MMP24: variants seen among roughly 807,000 people sequenced by gnomAD.
The protein encoded by MMP24 is matrix metalloproteinase-24.
MMP24 carries 25 observed loss-of-function variants against 62.8 expected under a neutral mutation model. That is an observed-to-expected ratio of 0.40 (90% CI 0.29 to 0.56). The LOEUF (loss-of-function observed/expected upper bound fraction) is 0.56. MMP24 is among the 20% of genes least tolerant of loss of function. MMP24 has a pLI of 0.50. For synonymous variants in MMP24, 319 were observed against 350.5 expected, an observed-to-expected ratio of 0.91 and a Z score of 1.00; for missense variants, 634 against 853.6, an observed-to-expected ratio of 0.74 and a Z score of 3.21.
At chr20:35,247,441 TC>T (rs143334888) in intron 2 of MMP24, among the ~76,000 whole-genome samples, 2,331 of 152,220 alleles carry the variant, frequency 0.015, 74 homozygotes, top group African/African-American at 0.053. Flanking sequence ...CATCCGGCCC[TC>T]CAGAGGCTCA....
rs2275274 is a variant in MMP24 at position 35,269,741 on chromosome 20, C to T, written c.1195-19C>T. 0.096 allele frequency: 150,295 copies of T among 1,562,132 alleles called. 7,980 individuals carry two copies. The highest frequency in any genetic ancestry group is 0.18 in the South Asian group (15,274 of 84,500). ...CAGGGCCTGACACACCTCTCTCCCCCTCTCCCGCTTCCTCCCAGGATCGCT... is the reference window on the plus strand; with the variant it reads ...CAGGGCCTGACACACCTCTCTCCCCTTCTCCCGCTTCCTCCCAGGATCGCT... On this transcript the variant is annotated intron_variant, in intron 6 of 8. Coordinates refer to ENST00000246186, the MANE Select transcript of MMP24 (RefSeq NM_006690.4). This position sits in a 1 kb window ranked among gnomAD's most constrained non-coding sequence, Gnocchi z 4.6.
chr20:35,256,563 A>G (rs1040070169), intron 4 of MMP24, among the ~76,000 whole-genome samples: 6 of 152,010 alleles, frequency 3.9e-5, no homozygotes, highest in Admixed American at 3.9e-4. Context: ...TACGAAAAAC[A>G]CAAAAATTAG....
At chr20:35,257,880 G>A (rs1057387251) in intron 4 of MMP24, among the ~76,000 whole-genome samples, 3 of 152,162 alleles carry the variant, frequency 2.0e-5, no homozygotes, top group African/African-American at 7.2e-5. Flanking sequence ...CACAGCAATC[G>A]ACTCCTGAAC....
At chr20:35,260,719 C>T (rs1417470767) in intron 4 of MMP24, among the ~76,000 whole-genome samples, 2 of 152,268 alleles carry the variant, frequency 1.3e-5, no homozygotes, top group Non-Finnish European at 2.9e-5. Context: ...TTTGGCCAAC[C>T]TTGCACTGAT....
rs778379717 is a variant in MMP24, at chr20:35,271,563, C to T, written c.1334-6C>T. 5 of 1,609,960 alleles carry T rather than the reference C, an allele frequency of 3.1e-6. No individual in the cohort carries two copies. In the East Asian group the frequency reaches 8.9e-5, roughly 29 times the overall value. ...GAAGCTGATCCTGGGCTCCTCTTGG[C>T]CACAGGTGACAAGTATTGGGTGTTT... On this transcript the variant is annotated splice_region_variant and splice_polypyrimidine_tract_variant and intron_variant, in intron 7 of 8. Transcript: ENST00000246186. The surrounding 1 kb of genome is among the most constrained non-coding windows in gnomAD (Gnocchi z 4.0).
intron 2 of MMP24, among the ~76,000 whole-genome samples, chr20:35,250,851 T>G (rs1213397560): frequency 6.6e-6 from 1 of 152,162 alleles, no homozygotes; most frequent in African/African-American, 2.4e-5. Flanking sequence ...TCTGCCTGCA[T>G]GGCCCAATCA....
chr20:35,264,735 A>AAG (rs1555795463), intron 5 of MMP24, among the ~76,000 whole-genome samples: 9 of 149,460 alleles, frequency 6.0e-5, no homozygotes, highest in Non-Finnish European at 1.0e-4. Flanking sequence ...AAAAAAAAAA[A>AAG]AAAGAAAGAA....
chr20:35,233,624 C>T (rs189245435), intron 1 of MMP24, among the ~76,000 whole-genome samples: 28 of 152,314 alleles, frequency 1.8e-4, no homozygotes, highest in Middle Eastern at 3.4e-3. Flanking sequence ...TAAAATGACT[C>T]TTAGGACAAA....
rs149019156 is a variant in MMP24, at chr20:35,249,339, G to A, written c.395+2351G>A. On this transcript the variant is annotated intron_variant, in intron 2 of 8. Transcript: ENST00000246186. ...ATTTAAAGTCCTATGTTTGAGTGTC[G>A]CCTTGGGAAATGTCACACATTTATT... is the stretch of plus-strand genomic sequence containing the variant. Among the ~76,000 whole-genome samples the A allele has an allele frequency of 3.3e-5, 5 of 152,266 alleles. No individual in the cohort carries two copies. The East Asian group carries it at 7.7e-4, about 23-fold the overall frequency.
chr20:35,273,859 G>C (rs150950150), intron 8 of MMP24, among the ~76,000 whole-genome samples: 1 of 152,224 alleles, frequency 6.6e-6, no homozygotes, highest in African/African-American at 2.4e-5. Context: ...GTCAACACAA[G>C]GTGAAATCTT....
At chr20:35,272,075 T>C in intron 8 of MMP24, 1 of 581,044 alleles carries the variant, frequency 1.7e-6, no homozygotes, top group East Asian at 2.8e-5. Flanking sequence ...TAGACTGACT[T>C]CATTCCTTCA....
In MMP24 at chr20:35,271,616, C is replaced by G; in HGVS notation, c.1381C>G (p.Pro461Ala). Residue 461 changes from proline to alanine, a missense_variant, in exon 8 of 9, where the codon CCC (proline) becomes GCC (alanine). Pro to Ala is a conservative substitution (Grantham distance 27). Around this residue, in one of 3 missense-constraint regions of MMP24, gnomAD observed 399 missense variants for 530.8 expected, o/e 0.75. Transcript: ENST00000246186. This position sits in a 1 kb window ranked among gnomAD's most constrained non-coding sequence, Gnocchi z 4.0. ...GGAGGTGACGGTGGAGCCTGGGTAC[C>G]CCCACAGCCTGGGGGAGCTGGGCAG... ...FKEVTVEPGY[P>A]HSLGELGSCL... is the part of the protein sequence containing the mutation. 1 of 1,612,522 alleles carries G rather than the reference C, an allele frequency of 6.2e-7. No homozygotes were observed. Among genetic ancestry groups the G allele is most frequent in the Non-Finnish European group, 8.5e-7 (1 of 1,179,370 alleles).
In MMP24 at chr20:35,274,484, G is replaced by A. The variant is rs368386809; in HGVS notation, c.1813G>A (p.Val605Met). 58 of 1,613,912 alleles carry A rather than the reference G, an allele frequency of 3.6e-5. No individual in the cohort carries two copies. The highest frequency in any genetic ancestry group is 1.8e-4 in the South Asian group (16 of 91,086). Residue 605 changes from valine (V) to methionine (M), a missense_variant, in exon 9 of 9, where the codon GTG becomes ATG. By Grantham distance (21) the Val-to-Met change is conservative (BLOSUM62 1). Coordinates refer to ENST00000246186, the MANE Select transcript of MMP24 (RefSeq NM_006690.4). The surrounding 1 kb of genome is among the most constrained non-coding windows in gnomAD (Gnocchi z 5.1). The stretch of plus-strand genomic sequence containing the variant: ...GCCGGGCTCCGTGAACGCCGTGGCC[G>A]TGGTCATCCCCTGCATCCTGTCCCT... ...DVPGSVNAVA[V>M]VIPCILSLCI...
chr20:35,263,694 C>A, intron 4 of MMP24, 97 bp from the exon 5 acceptor site: 1 of 1,105,530 alleles, frequency 9.0e-7, no homozygotes, highest in Non-Finnish European at 1.2e-6. Context: ...GGGCCTGGCA[C>A]AGGGCCCGTG....
In MMP24 at chr20:35,252,024, G is replaced by T. The variant is rs1202708822; in HGVS notation, c.512+3G>T. ...AGGCAAAAACACATCACCTACAGGTGCTTCGACTCTCCCTCTTCCTCCCTG... is the reference window on the plus strand; with the variant it reads ...AGGCAAAAACACATCACCTACAGGTTCTTCGACTCTCCCTCTTCCTCCCTG... On this transcript the variant is annotated splice_donor_region_variant and intron_variant, in intron 3 of 8. Coordinates refer to ENST00000246186, the MANE Select transcript of MMP24 (RefSeq NM_006690.4). The T allele has an allele frequency of 3.7e-6, 6 of 1,605,634 alleles. No homozygotes were observed. The African/African-American group carries it at 6.7e-5, about 18-fold the overall frequency.
intron 5 of MMP24, chr20:35,264,161 G>A (rs2060619351): frequency 2.1e-6 from 1 of 471,046 alleles, no homozygotes; most frequent in Admixed American, 4.3e-5. Context: ...CTAGGGGAGG[G>A]TCTGAGCTGT....
chr20:35,239,322 C>G (rs141969935), intron 1 of MMP24, among the ~76,000 whole-genome samples: 367 of 151,152 alleles, frequency 2.4e-3, no homozygotes, highest in African/African-American at 8.6e-3. Flanking sequence ...CAGGCATGAG[C>G]CACCACGCCT....
Position 35,274,306 on chromosome 20 carries a change from G to C in MMP24, c.1635G>C (p.Trp545Cys). Residue 545 changes from tryptophan (W) to cysteine (C), a missense_variant, in exon 9 of 9, where the codon TGG (tryptophan) becomes TGC (cysteine). Trp to Cys is a radical substitution (Grantham distance 215). Transcript: ENST00000246186. This position sits in a 1 kb window ranked among gnomAD's most constrained non-coding sequence, Gnocchi z 5.1. ...YTYFYKGRDY[W>C]KFDNQKLSVE... Reference sequence around the variant, plus strand: ...ATTTCTACAAGGGCCGGGACTACTGGAAGTTTGACAACCAGAAACTGAGCG... The same window carrying C: ...ATTTCTACAAGGGCCGGGACTACTGCAAGTTTGACAACCAGAAACTGAGCG... 1.2e-6 allele frequency: 2 copies of C among 1,613,110 alleles called. No homozygotes were observed. Among genetic ancestry groups the C allele is most frequent in the Non-Finnish European group, 1.7e-6 (2 of 1,179,802 alleles).
intron 4 of MMP24, chr20:35,263,229 G>C (rs73105297): frequency 0.06 from 8,496 of 140,932 alleles, 307 homozygotes; most frequent in Middle Eastern, 0.11. Flanking sequence ...CACTAGCCAA[G>C]AAGCTGATCC....
Sources: allele counts gnomAD v4.1 joint callset (sites outside exome capture counted in the v4.1 genomes callset), GRCh38; gene constraint gnomAD v4.1.1; regional missense constraint gnomAD v4.1.1; non-coding constraint Gnocchi (gnomAD v3.1); transcripts MANE v1.5; gene names NCBI Gene and HGNC (gene_info 2026-07-23, HGNC 2026-07-21).